Variants in ZNHIT3 observed in about 807,000 individuals in gnomAD.
ZNHIT3 encodes zinc finger HIT domain-containing protein 3.
A neutral mutation model predicts 19.9 loss-of-function variants in ZNHIT3; 27 were observed. The ratio of observed to expected loss-of-function variants is 1.36; its 90% CI spans 1.00 to 1.87. The LOEUF (loss-of-function observed/expected upper bound fraction) is 1.87. Among genes scored for constraint, ZNHIT3 ranks in the 40% most tolerant of loss-of-function variants. ZNHIT3 has a pLI of 0.00. For missense variants in ZNHIT3, 215 were observed against 185.6 expected (o/e 1.16, Z -0.92); for synonymous variants, 81 against 65.7 (o/e 1.23, Z -1.13).
At chr17:36,498,287 C>A, downstream of ZNHIT3, 1 of 1,612,762 alleles carries the variant, frequency 6.2e-7, no homozygotes, top group Non-Finnish European at 8.5e-7. Context: ...CTCGGATGGA[C>A]GTGACACCAG....
chr17:36,493,863 T>G, intron 3 of ZNHIT3, 63 bp from the exon 4 acceptor site: 2 of 1,175,730 alleles, frequency 1.7e-6, no homozygotes, highest in Non-Finnish European at 1.3e-6. Flanking sequence ...CAAGTAGTGG[T>G]TAAAATCTGG....
intron 2 of ZNHIT3, chr17:36,491,791 C>T (rs2070732246): frequency 6.6e-6 from 1 of 152,192 alleles, no homozygotes; most frequent in Non-Finnish European, 1.5e-5. Context: ...CCAGAAAATT[C>T]ACCTCTCCTT....
intron 2 of ZNHIT3, chr17:36,491,568 A>T (rs1224268464): frequency 2.6e-5 from 4 of 152,044 alleles, no homozygotes; most frequent in African/African-American, 9.7e-5. Context: ...CAACCTCCCA[A>T]ATTGCTGGGA....
chr17:36,492,767 C>A (rs759663037), intron 2 of ZNHIT3, 46 bp from the exon 3 acceptor site: 2 of 1,565,278 alleles, frequency 1.3e-6, no homozygotes, highest in Non-Finnish European at 8.8e-7. Context: ...GCAGCCTTGT[C>A]GCTGAAATGG....
At chr17:36,486,901 G>A in intron 1 of ZNHIT3, 34 bp from the exon 2 acceptor site, 2 of 1,601,054 alleles carry the variant, frequency 1.2e-6, no homozygotes, top group Non-Finnish European at 1.7e-6. Flanking sequence ...GGGACCCTCG[G>A]GGCTGACGCG....
downstream of ZNHIT3, chr17:36,498,705 C>CTT: frequency 1.1e-6 from 1 of 883,840 alleles, no homozygotes; most frequent in South Asian, 1.8e-5. Flanking sequence ...CTGAACCAAA[C>CTT]TGGTTCCATA....
chr17:36,494,086 A>G (rs2070803424), intron 4 of ZNHIT3, 80 bp downstream of exon 4: 13 of 1,133,700 alleles, frequency 1.1e-5, no homozygotes, highest in South Asian at 2.6e-5. Context: ...AAAGTTTTTA[A>G]TTTCTTGAAT....
chr17:36,496,208 CAG>C, downstream of ZNHIT3: 1 of 1,608,244 alleles, frequency 6.2e-7, no homozygotes, highest in Non-Finnish European at 8.5e-7. Context: ...TTTGGCAAGG[CAG>C]GGGGCAGGAA....
At chr17:36,488,521 G>A (rs1475011815) in intron 2 of ZNHIT3, among the ~76,000 whole-genome samples, 1 of 151,748 alleles carries the variant, frequency 6.6e-6, no homozygotes, top group Non-Finnish European at 1.5e-5. Flanking sequence ...CTCCAGCCTG[G>A]GCAACAGAGT....
chr17:36,490,742 C>T (rs957111224), intron 2 of ZNHIT3: 3 of 152,276 alleles, frequency 2.0e-5, no homozygotes. Flanking sequence ...TTTGTTGCTG[C>T]TATAGGCAGT....
chr17:36,496,133 CTGT>C (rs1166462451), downstream of ZNHIT3: 5 of 1,383,242 alleles, frequency 3.6e-6, no homozygotes, highest in Non-Finnish European at 5.0e-6. Flanking sequence ...GGAGCCGTCA[CTGT>C]TGTTCATGTG....
downstream of ZNHIT3, among the ~76,000 whole-genome samples, chr17:36,497,390 A>C (rs575279547): frequency 2.0e-5 from 3 of 151,790 alleles, no homozygotes; most frequent in Non-Finnish European, 4.4e-5. Context: ...CCAGAAAAGG[A>C]AAAAACCAAG....
chr17:36,498,934 G>A, downstream of ZNHIT3: 1 of 661,990 alleles, frequency 1.5e-6, no homozygotes, highest in Non-Finnish European at 2.7e-6. Context: ...CTGCATACAT[G>A]AGGAATATGA....
At chr17:36,490,308 T>C (rs1239660643) in intron 2 of ZNHIT3, 2 of 152,206 alleles carry the variant, frequency 1.3e-5, no homozygotes, top group African/African-American at 2.4e-5. Flanking sequence ...CTTACAGTTA[T>C]CCTATTTTTC....
downstream of ZNHIT3, chr17:36,496,167 T>C (rs2070947460): frequency 2.6e-6 from 4 of 1,531,688 alleles, no homozygotes; most frequent in Non-Finnish European, 1.8e-6. Flanking sequence ...ACTGTGGGAA[T>C]AGTCTGGCAG....
At chr17:36,498,193 C>T (rs2071178522), downstream of ZNHIT3, 19 of 1,517,374 alleles carry the variant, frequency 1.3e-5, no homozygotes, top group Admixed American at 7.1e-5. Flanking sequence ...GTCTCATTCC[C>T]GCTGTGAACT....
At chr17:36,494,555 C>T (rs1300870002) in intron 4 of ZNHIT3, among the ~76,000 whole-genome samples, 1 of 152,186 alleles carries the variant, frequency 6.6e-6, no homozygotes, top group Admixed American at 6.5e-5. Context: ...GTTACATGTG[C>T]ATGGGGTCTG....
chr17:36,498,647 T>A, downstream of ZNHIT3: 1 of 1,407,222 alleles, frequency 7.1e-7, no homozygotes, highest in Non-Finnish European at 9.4e-7. Flanking sequence ...TAACAAATCA[T>A]CTTAACAAGG....
intron 4 of ZNHIT3, 63 bp downstream of exon 4, chr17:36,494,069 T>C (rs1297469865): frequency 7.9e-6 from 11 of 1,390,454 alleles, no homozygotes; most frequent in Non-Finnish European, 2.0e-6. Context: ...GGATTGTGAT[T>C]TTTTAAAAAG....
Sources: allele counts gnomAD v4.1 joint callset (sites outside exome capture counted in the v4.1 genomes callset), GRCh38; gene constraint gnomAD v4.1.1; transcripts MANE v1.5; gene names NCBI Gene and HGNC (gene_info 2026-07-23, HGNC 2026-07-21).